EPHA3: variants seen among roughly 807,000 people sequenced by gnomAD.
EPHA3 encodes the protein ephrin type-A receptor 3.
Under a neutral mutation model 107.1 loss-of-function variants are expected in EPHA3, and 42 were observed. That is an observed-to-expected ratio of 0.39 (90% CI 0.31 to 0.51). The LOEUF is 0.51. EPHA3 is among the 20% of genes least tolerant of loss of function. The pLI is 0.78. For synonymous variants in EPHA3, 461 were observed against 424.8 expected (o/e 1.09, Z -1.05); for missense variants, 1,183 against 1,211.2 (o/e 0.98, Z 0.35).
intron 3 of EPHA3, among the ~76,000 whole-genome samples, chr3:89,319,779 A>G (rs1707000005): frequency 6.6e-6 from 1 of 151,944 alleles, no homozygotes; most frequent in Non-Finnish European, 1.5e-5. Flanking sequence ...TTTCTAAGCT[A>G]TTATGTGAAT....
At chr3:89,119,788 C>T (rs1426832741) in intron 1 of EPHA3, among the ~76,000 whole-genome samples, 2 of 152,104 alleles carry the variant, frequency 1.3e-5, no homozygotes, top group African/African-American at 4.8e-5. Flanking sequence ...TTTGGGGATG[C>T]CAAAATGTCC....
At chr3:89,399,187 T>G (rs1481367147) in intron 6 of EPHA3, 131 bp from the exon 7 acceptor site, 1 of 879,744 alleles carries the variant, frequency 1.1e-6, no homozygotes, top group Non-Finnish European at 1.6e-6. Flanking sequence ...ATAATCGATA[T>G]GACTTTTTAA....
chr3:89,435,692 C>A (rs2107541445), intron 13 of EPHA3, among the ~76,000 whole-genome samples: 1 of 148,754 alleles, frequency 6.7e-6, no homozygotes, highest in Admixed American at 6.8e-5. Flanking sequence ...GTGGCTCATG[C>A]CTGTAATCCC....
intron 7 of EPHA3, among the ~76,000 whole-genome samples, chr3:89,406,427 G>C (rs143823431): frequency 1.3e-5 from 2 of 152,242 alleles, no homozygotes; most frequent in African/African-American, 2.4e-5. Context: ...TAATAGGCCA[G>C]ATAATAAATA....
intron 2 of EPHA3, among the ~76,000 whole-genome samples, chr3:89,197,881 GGGGAGAATCGCTTGAACCT>G (rs1426180584): frequency 6.6e-6 from 1 of 151,928 alleles, no homozygotes; most frequent in East Asian, 1.9e-4. Flanking sequence ...GAGGCTGAGG[GGGGAGAATCGCTTGAACCT>G]GGGAGACAGA....
intron 15 of EPHA3, among the ~76,000 whole-genome samples, chr3:89,457,224 G>C (rs1435381978): frequency 6.6e-6 from 1 of 152,108 alleles, no homozygotes; most frequent in East Asian, 1.9e-4. Flanking sequence ...CGCATAATAC[G>C]GTTTTGCTAG....
At chr3:89,461,183 T>C (rs1710232486) in intron 15 of EPHA3, among the ~76,000 whole-genome samples, 1 of 102,878 alleles carries the variant, frequency 9.7e-6, no homozygotes, top group African/African-American at 4.6e-5. Flanking sequence ...TGCATAGTAT[T>C]CCATGGTGTA....
chr3:89,471,043 C>G (rs1351213485), intron 15 of EPHA3, among the ~76,000 whole-genome samples: 5 of 152,156 alleles, frequency 3.3e-5, no homozygotes, highest in Admixed American at 3.3e-4. Flanking sequence ...AAACTAAAGG[C>G]TTTTATAACT....
intron 3 of EPHA3, among the ~76,000 whole-genome samples, chr3:89,319,087 C>T (rs1378628008): frequency 6.6e-6 from 1 of 151,918 alleles, no homozygotes; most frequent in African/African-American, 2.4e-5. Context: ...ATCTCCTTGC[C>T]AGTATCACTT....
chr3:89,177,264 T>G (rs1260669342), intron 2 of EPHA3, among the ~76,000 whole-genome samples: 1 of 152,202 alleles, frequency 6.6e-6, no homozygotes, highest in African/African-American at 2.4e-5. Flanking sequence ...TCTTTACATC[T>G]GATCTGCAAA....
chr3:89,131,196 A>T (rs1164993400), intron 2 of EPHA3, among the ~76,000 whole-genome samples: 1 of 152,188 alleles, frequency 6.6e-6, no homozygotes, highest in Non-Finnish European at 1.5e-5. Flanking sequence ...ATCTGGCATT[A>T]TATTTGGTGA....
intron 15 of EPHA3, among the ~76,000 whole-genome samples, chr3:89,453,013 T>C (rs576326651): frequency 6.6e-6 from 1 of 152,092 alleles, no homozygotes; most frequent in Non-Finnish European, 1.5e-5. Flanking sequence ...AATAAGTCCT[T>C]AAATAAAACT....
intron 5 of EPHA3, among the ~76,000 whole-genome samples, chr3:89,347,539 A>T (rs1311439510): frequency 6.7e-6 from 1 of 148,780 alleles, no homozygotes; most frequent in Non-Finnish European, 1.5e-5. Context: ...TTTTCTAGAT[A>T]TACAATCATG....
intron 7 of EPHA3, 189 bp downstream of exon 7, chr3:89,399,669 G>T: frequency 8.0e-7 from 1 of 1,249,402 alleles, no homozygotes. Flanking sequence ...TGTACATTTT[G>T]TGTTTCTTTT....
rs143688626 is a variant in EPHA3 at position 89,206,744 on chromosome 3, C to T, written c.154-3116C>T. Among the ~76,000 whole-genome samples, 151 of 152,178 alleles carry T rather than the reference C, an allele frequency of 9.9e-4. 1 individual carries two copies. In the East Asian group the frequency reaches 0.02, roughly 20 times the overall value. On this transcript the variant is annotated intron_variant, in intron 2 of 16. Coordinates refer to ENST00000336596, the MANE Select transcript of EPHA3 (RefSeq NM_005233.6). Reference sequence around the variant, plus strand: ...CAATGTAAAACCCTAAGAACTGAGACGCTCAGTTGCTCTTATCTTCTTAAA... The same window carrying T: ...CAATGTAAAACCCTAAGAACTGAGATGCTCAGTTGCTCTTATCTTCTTAAA...
At chr3:89,216,611 C>G (rs902289399) in intron 3 of EPHA3, among the ~76,000 whole-genome samples, 7 of 151,928 alleles carry the variant, frequency 4.6e-5, no homozygotes, top group African/African-American at 1.7e-4. Flanking sequence ...TATGGATGAC[C>G]TTCCTTAGCT....
At chr3:89,343,648 T>G (rs1251969756) in intron 5 of EPHA3, among the ~76,000 whole-genome samples, 1 of 152,232 alleles carries the variant, frequency 6.6e-6, no homozygotes, top group East Asian at 1.9e-4. Context: ...TGATTCTAAA[T>G]TTCTCTTTCG....
intron 15 of EPHA3, among the ~76,000 whole-genome samples, chr3:89,460,885 T>A (rs1200232509): frequency 1.5e-5 from 2 of 131,170 alleles, no homozygotes; most frequent in Non-Finnish European, 3.3e-5. Context: ...TGCAGGTTAG[T>A]TACATATGTA....
chr3:89,243,783 TG>T (rs1305723617), intron 3 of EPHA3, among the ~76,000 whole-genome samples: 1 of 152,190 alleles, frequency 6.6e-6, no homozygotes, highest in Non-Finnish European at 1.5e-5. Flanking sequence ...TTATAATTTT[TG>T]TCTTCTTTAG....
Sources: gnomAD v4.1 joint callset for allele counts (sites outside exome capture counted in the v4.1 genomes callset) on GRCh38, gnomAD v4.1.1 for gene constraint, MANE v1.5 for transcripts, NCBI Gene and HGNC (gene_info 2026-07-23, HGNC 2026-07-21) for gene names.